Variants in GRAMD1B observed in about 807,000 individuals in gnomAD.
GRAMD1B encodes the protein GRAM domain containing 1B.
Under a neutral mutation model 99.7 loss-of-function variants are expected in GRAMD1B, and 37 were observed. The observed-to-expected ratio is 0.37, with a 90% CI of 0.29 to 0.49. GRAMD1B has a LOEUF of 0.49. Ranked by LOEUF, GRAMD1B falls within the 20% of genes least tolerant of loss-of-function variation. The pLI is 0.98. For synonymous variants in GRAMD1B, 427 were observed against 387.6 expected (o/e 1.10, Z -1.19); for missense variants, 888 against 1,009.2 (o/e 0.88, Z 1.63).
intron 14 of GRAMD1B, 105 bp from the exon 15 acceptor site, chr11:123,612,656 G>A (rs1953746776): frequency 2.8e-6 from 2 of 724,090 alleles, no homozygotes; most frequent in South Asian, 1.5e-5. Flanking sequence ...GTAAAGTTTA[G>A]TACAAATGTG....
chr11:123,477,029 G>A (rs1447358467), intron 1 of GRAMD1B, among the ~76,000 whole-genome samples: 2 of 152,078 alleles, frequency 1.3e-5, no homozygotes, highest in Non-Finnish European at 2.9e-5. Flanking sequence ...TTTGATTCAC[G>A]TCTTTCTTTT....
At chr11:123,540,266 G>C (rs743633) in intron 2 of GRAMD1B, among the ~76,000 whole-genome samples, 1 of 150,756 alleles carries the variant, frequency 6.6e-6, no homozygotes, top group Admixed American at 6.6e-5. Context: ...TTTTTGTATA[G>C]ACGGAATTTC....
chr11:123,477,483 G>A (rs925602001), intron 1 of GRAMD1B, among the ~76,000 whole-genome samples: 1 of 151,726 alleles, frequency 6.6e-6, no homozygotes, highest in Admixed American at 6.6e-5. Context: ...GCAGTGTTAA[G>A]GCATCTTTCA....
chr11:123,619,269 G>A lies in GRAMD1B; in HGVS notation c.2544+45G>A, dbSNP rs775753285. On this transcript the variant is annotated intron_variant, in intron 19 of 19. Transcript: ENST00000635736. ...CTGCTTGCCCTGGTCTTTGGGAGCG[G>A]GGACTCCTTCCCTTATGCTGTGAGA... 1.4e-5 allele frequency: 21 copies of A among 1,547,242 alleles called. No individual in the cohort carries two copies. In the East Asian group the frequency reaches 4.7e-4, roughly 34 times the overall value.
chr11:123,532,649 G>T (rs1943519675), intron 2 of GRAMD1B, among the ~76,000 whole-genome samples: 1 of 152,328 alleles, frequency 6.6e-6, no homozygotes, highest in Admixed American at 6.5e-5. Flanking sequence ...TAGCCAACAG[G>T]CCAAATTCGG....
chr11:123,387,013 G>A (rs1947087786), intron 1 of GRAMD1B, among the ~76,000 whole-genome samples: 1 of 152,178 alleles, frequency 6.6e-6, no homozygotes, highest in Admixed American at 6.5e-5. Context: ...TTCATCATGT[G>A]TTTGCTGGGT....
In GRAMD1B at chr11:123,623,307, A is replaced by T. The variant is rs2137183416; in HGVS notation, c.*712A>T. 6.6e-6 allele frequency: 1 copy of T among 152,030 alleles called. No individual in the cohort carries two copies. Among genetic ancestry groups the T allele is most frequent in the East Asian group, 1.9e-4 (1 of 5,168 alleles). 9.4% of individuals were successfully genotyped at this position (152,030 alleles called of 1,614,324 possible). A position where few individuals can be genotyped will look rare whatever the true frequency, so the allele number is the denominator to read the frequency against. ...GGTGTGGACCCAGTAAGGGCTGGGA[A>T]TTTCTTACTTTCCCACCCGCTTTCT... On this transcript the variant is annotated 3_prime_UTR_variant, in exon 20 of 20. Coordinates refer to ENST00000635736, the MANE Select transcript of GRAMD1B (RefSeq NM_001387025.1).
intron 1 of GRAMD1B, among the ~76,000 whole-genome samples, chr11:123,376,675 A>G (rs1027062424): frequency 4.6e-5 from 7 of 152,274 alleles, no homozygotes; most frequent in Admixed American, 4.6e-4. Flanking sequence ...ATTTGCAAAT[A>G]TGGGCATGAT....
intron 2 of GRAMD1B, among the ~76,000 whole-genome samples, chr11:123,522,361 C>T (rs1022026889): frequency 1.3e-5 from 2 of 152,072 alleles, no homozygotes; most frequent in African/African-American, 4.8e-5. Context: ...CTCTGTTGCC[C>T]AGGCTGGAGT....
rs574254326 is a variant in GRAMD1B, at chr11:123,591,395, A to G, written c.685-2687A>G. On this transcript the variant is annotated intron_variant, in intron 4 of 19. Coordinates refer to ENST00000635736, the MANE Select transcript of GRAMD1B (RefSeq NM_001387025.1). This position sits in a 1 kb window ranked among gnomAD's most constrained non-coding sequence, Gnocchi z 4.7. Reference sequence around the variant, plus strand: ...TTGGGAGGGGCAGCCGTGCTGGGCAATGGAATCACTGACGGAGTCGGGGGT... The same window carrying G: ...TTGGGAGGGGCAGCCGTGCTGGGCAGTGGAATCACTGACGGAGTCGGGGGT... 5.0e-5 allele frequency: 20 copies of G among 399,144 alleles called. No individual in the cohort carries two copies. The highest frequency in any genetic ancestry group is 2.1e-4 in the East Asian group (6 of 28,060). 24.7% of individuals were successfully genotyped at this position (399,144 alleles called of 1,614,324 possible). A position where few individuals can be genotyped will look rare whatever the true frequency, so the allele number is the denominator to read the frequency against.
chr11:123,457,129 G>GAAAGAAAGAAAGAAAGAAAGAAAGAAAGA (rs1555124301), intron 1 of GRAMD1B, among the ~76,000 whole-genome samples: 1 of 149,838 alleles, frequency 6.7e-6, no homozygotes, highest in Non-Finnish European at 1.5e-5. Flanking sequence ...AAGAAAGAAA[G>GAAAGAAAGAAAGAAAGAAAGAAAGAAAGA]AAAGAAAGAA....
chr11:123,365,574 C>G (rs910820851), intron 1 of GRAMD1B, among the ~76,000 whole-genome samples: 5 of 152,166 alleles, frequency 3.3e-5, no homozygotes, highest in Non-Finnish European at 5.9e-5. Flanking sequence ...TCAATGCCAT[C>G]TTTTTCTCAT....
intron 3 of GRAMD1B, among the ~76,000 whole-genome samples, chr11:123,578,008 C>T (rs1948919656): frequency 6.6e-6 from 1 of 152,156 alleles, no homozygotes; most frequent in Non-Finnish European, 1.5e-5. Context: ...ATCCTTCCTG[C>T]CTTACCTTTG....
chr11:123,372,855 T>C (rs193274737), intron 1 of GRAMD1B, among the ~76,000 whole-genome samples: 1 of 152,312 alleles, frequency 6.6e-6, no homozygotes, highest in African/African-American at 2.4e-5. Flanking sequence ...TTGAGAGCTC[T>C]CTGGCTGGGT....
chr11:123,598,729 C>G, intron 7 of GRAMD1B: 1 of 907,194 alleles, frequency 1.1e-6, no homozygotes, highest in Non-Finnish European at 1.9e-6. Flanking sequence ...TCAAGATGGG[C>G]TCCAGCCTGC....
At chr11:123,599,974 G>A (rs1225398306) in intron 7 of GRAMD1B, among the ~76,000 whole-genome samples, 8 of 152,222 alleles carry the variant, frequency 5.3e-5, no homozygotes, top group Non-Finnish European at 4.4e-5. Context: ...TGTTTAATGG[G>A]TAAACTCCAC....
At chr11:123,407,336 G>A (rs895659597) in intron 1 of GRAMD1B, among the ~76,000 whole-genome samples, 7 of 151,626 alleles carry the variant, frequency 4.6e-5, no homozygotes, top group African/African-American at 1.5e-4. Context: ...CACATTAAAA[G>A]CTTCCGTTTT....
chr11:123,523,127 T>G (rs758326582), intron 2 of GRAMD1B, among the ~76,000 whole-genome samples: 6 of 151,714 alleles, frequency 4.0e-5, no homozygotes, highest in Non-Finnish European at 7.4e-5. Flanking sequence ...AGGTCAGGAG[T>G]TCAAGACCAG....
chr11:123,562,366 C>T (rs1423829197), intron 2 of GRAMD1B, among the ~76,000 whole-genome samples: 1 of 152,106 alleles, frequency 6.6e-6, no homozygotes, highest in Non-Finnish European at 1.5e-5. Flanking sequence ...CTGTTTAGAC[C>T]AGAGGCCAGC....
Sources: allele counts gnomAD v4.1 joint callset (sites outside exome capture counted in the v4.1 genomes callset), GRCh38; gene constraint gnomAD v4.1.1; non-coding constraint Gnocchi (gnomAD v3.1); transcripts MANE v1.5; gene names NCBI Gene and HGNC (gene_info 2026-07-23, HGNC 2026-07-21).